RBL2: variants seen among roughly 807,000 people sequenced by gnomAD.
RBL2 encodes RB transcriptional corepressor like 2.
RBL2 carries 56 observed loss-of-function variants against 126.0 expected under a neutral mutation model. The ratio of observed to expected loss-of-function variants is 0.44; its 90% CI spans 0.36 to 0.56. The LOEUF (loss-of-function observed/expected upper bound fraction) is 0.56, where lower values mean the gene tolerates loss of function less well. Among genes scored for constraint, RBL2 ranks in the 20% least tolerant of loss-of-function variants. The probability of loss-of-function intolerance (pLI) is 0.00; values close to 1 mark genes in which losing one functional copy is unlikely to be tolerated. For synonymous variants in RBL2, 454 were observed against 478.5 expected, an observed-to-expected ratio of 0.95 and a Z score of 0.67; for missense variants, 1,229 against 1,398.2, an observed-to-expected ratio of 0.88 and a Z score of 1.93.
chr16:53,480,899 C>CTGT (rs1467551599), intron 20 of RBL2, 130 bp downstream of exon 20: 2 of 870,210 alleles, frequency 2.3e-6, no homozygotes, highest in Non-Finnish European at 3.5e-6. Flanking sequence ...TGGCTCACAC[C>CTGT]TGTAATCCCA....
intron 5 of RBL2, 113 bp downstream of exon 5, chr16:53,451,944 G>C: frequency 8.2e-7 from 1 of 1,220,166 alleles, no homozygotes; most frequent in Non-Finnish European, 1.2e-6. Flanking sequence ...TGTCATTACG[G>C]CTATCCAGGG....
rs931387342 is a variant in RBL2, at chr16:53,480,666, A to G, written c.2981A>G (p.Asn994Ser). ...ACACCTACTCGCCTCACAGGTGCCAACAGTGACATGGAAGAAGAGGAGAGG... is the reference window on the plus strand; with the variant it reads ...ACACCTACTCGCCTCACAGGTGCCAGCAGTGACATGGAAGAAGAGGAGAGG... ...PPTPTRLTGA[N>S]SDMEEEERGD... The change falls in exon 20 of 22, where the codon AAC becomes AGC. Residue 994 changes from asparagine to serine, a missense_variant. Transcript: ENST00000262133. 2 of 1,613,972 alleles carry G rather than the reference A, an allele frequency of 1.2e-6. No individual in the cohort carries two copies. Among genetic ancestry groups the G allele is most frequent in the African/African-American group, 2.7e-5 (2 of 75,006 alleles).
chr16:53,483,167 GGAGA>G (rs1961023705), intron 21 of RBL2, among the ~76,000 whole-genome samples: 1 of 152,208 alleles, frequency 6.6e-6, no homozygotes, highest in Admixed American at 6.5e-5. Flanking sequence ...ATTTAGGTAG[GGAGA>G]GAGTGAAAGC....
intron 17 of RBL2, among the ~76,000 whole-genome samples, chr16:53,477,002 C>T (rs1960748241): frequency 1.3e-5 from 2 of 152,126 alleles, no homozygotes; most frequent in South Asian, 4.1e-4. Context: ...TTTGCTTTTG[C>T]ATTAGGTCAA....
Position 53,490,379 on chromosome 16 carries a change from T to C in RBL2, c.*79T>C. ...ATGCATCTAGATTATGGAGCTTTTT[T>C]CCTTAATCCAGCTGATGAGTTACAG... is the stretch of plus-strand genomic sequence containing the variant. On this transcript the variant is annotated 3_prime_UTR_variant, in exon 22 of 22. Transcript: ENST00000262133. The C allele has an allele frequency of 1.5e-6, 2 of 1,333,890 alleles. No homozygotes were observed. The highest frequency in any genetic ancestry group is 3.4e-5 in the South Asian group (2 of 58,274). The allele number at this position is 1,333,890 out of a possible 1,614,324, so 82.6% of individuals were successfully genotyped here. A position where few individuals can be genotyped will look rare whatever the true frequency, so the allele number is the denominator to read the frequency against.
chr16:53,434,786 A>C lies in RBL2; in HGVS notation c.230A>C (p.Tyr77Ser). Residue 77 changes from tyrosine (Y) to serine (S), a missense_variant, in exon 1 of 22, where the codon TAC (tyrosine) becomes TCC (serine). Physicochemically the swap from Tyr to Ser is moderately radical, Grantham distance 144. Transcript: ENST00000262133. ...WDSYRSMSES[Y>S]TLEGNDLHWL... ...AGCTACCGCAGCATGAGCGAAAGCT[A>C]CACGCTGGAGGTGCGCTCGCGGGCG... is the stretch of plus-strand genomic sequence containing the variant. 6.6e-7 allele frequency: 1 copy of C among 1,508,640 alleles called. No individual in the cohort carries two copies. The highest frequency in any genetic ancestry group is 8.8e-7 in the Non-Finnish European group (1 of 1,130,386). 93.5% of individuals were successfully genotyped at this position (1,508,640 alleles called of 1,614,324 possible).
chr16:53,483,219 G>T (rs976314157), intron 21 of RBL2, among the ~76,000 whole-genome samples: 1 of 152,162 alleles, frequency 6.6e-6, no homozygotes. Context: ...TGGCTGCTCA[G>T]TGTACTATTT....
intron 12 of RBL2, among the ~76,000 whole-genome samples, chr16:53,465,210 A>G (rs1044142081): frequency 6.6e-6 from 1 of 152,300 alleles, no homozygotes; most frequent in Non-Finnish European, 1.5e-5. Context: ...ATGTTTTTCA[A>G]CCTCAATGTA....
At chr16:53,444,394 A>C (rs957632478) in intron 3 of RBL2, among the ~76,000 whole-genome samples, 2 of 151,748 alleles carry the variant, frequency 1.3e-5, no homozygotes, top group Non-Finnish European at 2.9e-5. Flanking sequence ...CTCTACTAAA[A>C]ATAAAAAAAT....
chr16:53,463,876 GT>G (rs1470718234), intron 11 of RBL2, among the ~76,000 whole-genome samples: 18 of 152,082 alleles, frequency 1.2e-4, no homozygotes, highest in African/African-American at 4.1e-4. Context: ...CCCCCTTTCA[GT>G]TTTTTATAGC....
In RBL2 at chr16:53,469,960, C is replaced by A. The variant is rs748708186; in HGVS notation, c.2020C>A (p.Pro674Thr). The change falls in exon 15 of 22, where the codon CCA (proline) becomes ACA (threonine). Residue 674 changes from proline (P) to threonine (T), a missense_variant. This residue lies in a region of RBL2 where 1,070 missense variants were observed against 1,274.3 expected (regional missense o/e 0.84). Coordinates refer to ENST00000262133, the MANE Select transcript of RBL2 (RefSeq NM_005611.4). The stretch of plus-strand genomic sequence containing the variant: ...ATTATACGATAGGTACAGCTCCCCA[C>A]CAGCCAGCACTACCAGAAGGCGGCT... Reference protein sequence around the residue: ...TTLYDRYSSPPASTTRRRLFV... With the variant: ...TTLYDRYSSPTASTTRRRLFV... 4 of 1,611,876 alleles carry A rather than the reference C, an allele frequency of 2.5e-6. No homozygotes were observed. In the South Asian group the frequency reaches 4.4e-5, roughly 18 times the overall value.
chr16:53,434,489 T>A lies in RBL2; in HGVS notation c.-68T>A, dbSNP rs2057933093. 4 of 1,318,884 alleles carry A rather than the reference T, an allele frequency of 3.0e-6. No homozygotes were observed. The highest frequency in any genetic ancestry group is 3.9e-6 in the Non-Finnish European group (4 of 1,036,202). 81.7% of individuals were successfully genotyped at this position (1,318,884 alleles called of 1,614,324 possible). A position where few individuals can be genotyped will look rare whatever the true frequency, so the allele number is the denominator to read the frequency against. The stretch of plus-strand genomic sequence containing the variant: ...TGCGGGCGGCGGACGGGCGGGCGCT[T>A]CGCCGTTTGAATGGCTGCGGGCCCG... On this transcript the variant is annotated 5_prime_UTR_variant, in exon 1 of 22. Coordinates refer to ENST00000262133, the MANE Select transcript of RBL2 (RefSeq NM_005611.4).
chr16:53,488,144 A>G (rs1310759702), intron 21 of RBL2: 3 of 152,242 alleles, frequency 2.0e-5, no homozygotes, highest in South Asian at 2.1e-4. Context: ...AAAAAGTGGG[A>G]AACAACCCAA....
intron 1 of RBL2, among the ~76,000 whole-genome samples, chr16:53,436,289 T>C (rs1269030020): frequency 1.3e-5 from 2 of 152,254 alleles, no homozygotes; most frequent in Non-Finnish European, 1.5e-5. Flanking sequence ...TTTGAGGTAT[T>C]TCAACTCATA....
Position 53,466,957 on chromosome 16 carries a change from G to T in RBL2, c.1864-101G>T. 6 of 800,876 alleles carry T rather than the reference G, an allele frequency of 7.5e-6. No individual in the cohort carries two copies. In the South Asian group the frequency reaches 9.4e-5, roughly 13 times the overall value. The allele number at this position is 800,876 out of a possible 1,614,324, so 49.6% of individuals were successfully genotyped here. ...AAAGACAGCTGATTTTATTTAGATG[G>T]AATAATTGTTAAGATACTTTTTCTG... On this transcript the variant is annotated intron_variant, in intron 13 of 21. Transcript: ENST00000262133.
rs10591959 is a variant in RBL2 at position 53,439,954 on chromosome 16, CAAAAAAAAAAAA to C, written c.371+821_371+832del. 5.5e-3 allele frequency among the ~76,000 whole-genome samples: 510 copies of C among 91,952 alleles called. 4 individuals carry two copies. Among genetic ancestry groups the C allele is most frequent in the African/African-American group, 0.02 (496 of 24,746 alleles). 60.3% of individuals were successfully genotyped at this position (91,952 alleles called of 152,430 possible). A position where few individuals can be genotyped will look rare whatever the true frequency, so the allele number is the denominator to read the frequency against. On this transcript the variant is annotated intron_variant, in intron 2 of 21. Coordinates refer to ENST00000262133, the MANE Select transcript of RBL2 (RefSeq NM_005611.4). ...GGGCCACAGAGCAAGACCTTGTCTC[CAAAAAAAAAAAA>C]AAAAAAAAAAAAGAAGGTTACTATT...
intron 5 of RBL2, among the ~76,000 whole-genome samples, chr16:53,452,847 T>G (rs964618628): frequency 2.0e-5 from 3 of 152,000 alleles, no homozygotes; most frequent in Non-Finnish European, 4.4e-5. Flanking sequence ...TTTTGTATTT[T>G]TCAGTATAGA....
At chr16:53,466,299 T>C (rs1460260724) in intron 13 of RBL2, among the ~76,000 whole-genome samples, 1 of 152,148 alleles carries the variant, frequency 6.6e-6, no homozygotes, top group African/African-American at 2.4e-5. Context: ...CCAACCTTTT[T>C]GGCACCAAGG....
chr16:53,470,219 C>G, intron 15 of RBL2, 34 bp downstream of exon 15: 1 of 1,579,584 alleles, frequency 6.3e-7, no homozygotes, highest in South Asian at 1.2e-5. Flanking sequence ...TGAGTTCCTT[C>G]TCTGTGGCAT....
Sources: gnomAD v4.1 joint callset for allele counts (sites outside exome capture counted in the v4.1 genomes callset) on GRCh38, gnomAD v4.1.1 for gene constraint, gnomAD v4.1.1 regional missense constraint, MANE v1.5 for transcripts, NCBI Gene and HGNC (gene_info 2026-07-23, HGNC 2026-07-21) for gene names.